The following STK3 variants were observed in gnomAD, a reference collection of about 807,000 sequenced individuals.
STK3 encodes serine/threonine kinase 3, also known as serine/threonine-protein kinase 3.
Under a neutral mutation model 58.0 loss-of-function variants are expected in STK3, and 41 were observed. The ratio of observed to expected loss-of-function variants is 0.71; its 90% CI spans 0.55 to 0.92. The LOEUF is 0.92. Ranked by LOEUF, STK3 falls within the 40% of genes least tolerant of loss-of-function variation. The pLI is 0.00. For missense variants in STK3, 479 were observed against 602.7 expected (o/e 0.79, Z 2.15); for synonymous variants, 170 against 191.0 (o/e 0.89, Z 0.91).
At chr8:98,392,988 C>T (rs1817862685), upstream of STK3, among the ~76,000 whole-genome samples, 1 of 152,190 alleles carries the variant, frequency 6.6e-6, no homozygotes, top group South Asian at 2.1e-4. Flanking sequence ...CCCTCTCTCG[C>T]TTAGTGACAC....
At position 98,425,915 on chromosome 8, in the gene STK3, A is replaced by G. The variant is rs111399995; in HGVS notation, n.483+8212T>C. On this transcript the variant is annotated intron_variant and non_coding_transcript_variant, in intron 3 of 3. Transcript: ENST00000517832. ...GACGCTAGCTCCCTGCTAAGCTCAC[A>G]CAACCACGGTGCTCCAGTCTTTGCA... Among the ~76,000 whole-genome samples, 500 of 152,310 alleles carry G rather than the reference A, an allele frequency of 3.3e-3. 1 individual carries two copies. Among genetic ancestry groups the G allele is most frequent in the Non-Finnish European group, 6.0e-3 (407 of 68,016 alleles).
At chr8:98,904,975 C>G (rs1248519008) in intron 1 of STK3, 1 of 732,286 alleles carries the variant, frequency 1.4e-6, no homozygotes, top group African/African-American at 1.7e-5. Context: ...GCTACTGCCT[C>G]GTAAGAGCAG....
Position 98,455,976 on chromosome 8 carries a change from G to C in STK3, c.1342C>G (p.Leu448Val). The part of the protein sequence containing the change: ...DFLKNLSLEE[L>V]QMRLKALDPM... ...TCCAGTGCTTTTAACCGCATCTGTA[G>C]TTCTTCTAAACTTAGATTTTTCAAC... The change falls in exon 11 of 11, where the codon CTA (leucine) becomes GTA (valine). Residue 448 changes from leucine (L) to valine (V), a missense_variant. Leu to Val is a conservative substitution (Grantham distance 32). Around this residue, in one of 3 missense-constraint regions of STK3, gnomAD observed 309 missense variants for 355.7 expected, o/e 0.87. Coordinates refer to ENST00000419617, the MANE Select transcript of STK3 (RefSeq NM_006281.4). 1 of 1,610,790 alleles carries C rather than the reference G, an allele frequency of 6.2e-7. No individual in the cohort carries two copies.
intron 6 of STK3, among the ~76,000 whole-genome samples, chr8:98,620,618 G>C (rs1740661504): frequency 1.3e-5 from 2 of 150,462 alleles, no homozygotes; most frequent in South Asian, 4.2e-4. Flanking sequence ...GACACATGCT[G>C]CTACTTGAAG....
chr8:98,818,969 C>T (rs890980633), intron 1 of STK3, among the ~76,000 whole-genome samples: 5 of 152,006 alleles, frequency 3.3e-5, no homozygotes, highest in East Asian at 1.9e-4. Flanking sequence ...TACAGATGCC[C>T]GCCACCATGC....
At chr8:98,891,588 ACTTTAT>A in intron 1 of STK3, among the ~76,000 whole-genome samples, 1 of 151,652 alleles carries the variant, frequency 6.6e-6, no homozygotes, top group Non-Finnish European at 1.5e-5. Context: ...AGTTGTGCAG[ACTTTAT>A]CTTTAAATAA....
intron 4 of STK3, among the ~76,000 whole-genome samples, chr8:98,737,990 G>A (rs971881221): frequency 3.9e-5 from 6 of 152,138 alleles, no homozygotes; most frequent in Admixed American, 6.5e-5. Flanking sequence ...GATTACAGGC[G>A]TGAGCCACCG....
At chr8:98,697,572 G>A (rs1825089621) in intron 6 of STK3, among the ~76,000 whole-genome samples, 1 of 152,070 alleles carries the variant, frequency 6.6e-6, no homozygotes, top group African/African-American at 2.4e-5. Flanking sequence ...TGCTATCATT[G>A]GTTTCAAAGA....
intron 2 of STK3, among the ~76,000 whole-genome samples, chr8:98,774,352 CA>C (rs1423678387): frequency 2.6e-5 from 4 of 152,140 alleles, no homozygotes; most frequent in Non-Finnish European, 5.9e-5. Flanking sequence ...CATATCAAGA[CA>C]AAGACTACTT....
intron 3 of STK3, among the ~76,000 whole-genome samples, chr8:98,878,398 C>T (rs2131891422): frequency 6.6e-6 from 1 of 152,280 alleles, no homozygotes; most frequent in East Asian, 1.9e-4. Flanking sequence ...AACTTAACTT[C>T]CTCATAAAGC....
rs762318051 is a variant in STK3, at chr8:98,526,780, C to G, written c.1279G>C (p.Asp427His). 3 of 1,581,818 alleles carry G rather than the reference C, an allele frequency of 1.9e-6. No homozygotes were observed. The highest frequency in any genetic ancestry group is 2.6e-6 in the Non-Finnish European group (3 of 1,162,616). Reference sequence around the variant, plus strand: ...CCATCTTGAGGAACTTTCCAGTTATCAGGAAAAACGTTTTTGGACATAGGG... The same window carrying G: ...CCATCTTGAGGAACTTTCCAGTTATGAGGAAAAACGTTTTTGGACATAGGG... ...PFPMSKNVFP[D>H]NWKVPQDGDF... Residue 427 changes from aspartate (D) to histidine (H), a missense_variant, in exon 10 of 11, where the codon GAT (aspartate) becomes CAT (histidine). Around this residue, in one of 3 missense-constraint regions of STK3, gnomAD observed 309 missense variants for 355.7 expected, o/e 0.87. Transcript: ENST00000419617.
intron 10 of STK3, among the ~76,000 whole-genome samples, chr8:98,521,425 C>T (rs997560647): frequency 7.2e-5 from 11 of 151,964 alleles, no homozygotes; most frequent in Non-Finnish European, 1.3e-4. Context: ...CCTCCTCATT[C>T]TTGTTTTTCT....
chr8:98,762,643 TA>T, intron 3 of STK3, among the ~76,000 whole-genome samples: 1 of 152,258 alleles, frequency 6.6e-6, no homozygotes, highest in South Asian at 2.1e-4. Flanking sequence ...GTTGAACAGG[TA>T]AAAAGGGGAT....
At chr8:98,665,705 T>G (rs921605203) in intron 6 of STK3, among the ~76,000 whole-genome samples, 2 of 138,624 alleles carry the variant, frequency 1.4e-5, no homozygotes, top group African/African-American at 5.2e-5. Context: ...GTACCCATCC[T>G]GATTTTTTTT....
At chr8:98,577,117 G>GT (rs899784207) in intron 8 of STK3, among the ~76,000 whole-genome samples, 7 of 152,184 alleles carry the variant, frequency 4.6e-5, no homozygotes, top group Non-Finnish European at 1.0e-4. Context: ...TGATTTGTCA[G>GT]TTTTTTCCAG....
chr8:98,357,608 G>A, the STK3 span, among the ~76,000 whole-genome samples: 2 of 152,228 alleles, frequency 1.3e-5, no homozygotes, highest in African/African-American at 4.8e-5. Flanking sequence ...AACATCTGGA[G>A]GGAGGAAAAA....
intron 1 of STK3, among the ~76,000 whole-genome samples, chr8:98,384,704 T>C (rs998224626): frequency 1.3e-5 from 2 of 152,194 alleles, no homozygotes; most frequent in African/African-American, 4.8e-5. Flanking sequence ...AGCCAAGTTC[T>C]CAATCTTCCT....
chr8:98,910,774 C>T (rs891753694), intron 1 of STK3, among the ~76,000 whole-genome samples: 6 of 152,170 alleles, frequency 3.9e-5, no homozygotes, highest in African/African-American at 1.4e-4. Flanking sequence ...TGAGAATATC[C>T]TTCTTCAACT....
At chr8:98,483,745 A>G (rs1279571028) in intron 10 of STK3, among the ~76,000 whole-genome samples, 1 of 152,192 alleles carries the variant, frequency 6.6e-6, no homozygotes, top group South Asian at 2.1e-4. Context: ...AAAGATAAGG[A>G]AGTAAAAGGT....
Sources: allele counts gnomAD v4.1 joint callset (sites outside exome capture counted in the v4.1 genomes callset), GRCh38; gene constraint gnomAD v4.1.1; regional missense constraint gnomAD v4.1.1; transcripts MANE v1.5; gene names NCBI Gene and HGNC (gene_info 2026-07-23, HGNC 2026-07-21).